Variants in GRIA4 observed in about 807,000 individuals in gnomAD.
GRIA4 encodes the protein glutamate ionotropic receptor AMPA type subunit 4, also known as glutamate receptor 4.
In GRIA4, 34 loss-of-function variants were observed where a neutral mutation model predicts 104.0. That is an observed-to-expected ratio of 0.33 (90% CI 0.25 to 0.44). The LOEUF (loss-of-function observed/expected upper bound fraction) is 0.44. Ranked by LOEUF, GRIA4 falls within the 20% of genes least tolerant of loss-of-function variation. The probability of loss-of-function intolerance (pLI) is 1.00; values close to 1 mark genes in which losing one functional copy is unlikely to be tolerated. For missense variants in GRIA4, 750 were observed against 1,096.5 expected (o/e 0.68, Z 4.46); for synonymous variants, 386 against 381.9 (o/e 1.01, Z -0.13).
intron 3 of GRIA4, among the ~76,000 whole-genome samples, chr11:105,701,963 C>A (rs975665724): frequency 2.0e-5 from 3 of 152,102 alleles, no homozygotes; most frequent in Non-Finnish European, 4.4e-5. Flanking sequence ...GAGGCAGGAT[C>A]TCACTCTATC....
chr11:105,766,971 A>C (rs1341736752), intron 4 of GRIA4, among the ~76,000 whole-genome samples: 2 of 152,134 alleles, frequency 1.3e-5, no homozygotes, highest in East Asian at 3.8e-4. Context: ...TCTTACCTAC[A>C]GCACATTTTA....
intron 7 of GRIA4, among the ~76,000 whole-genome samples, chr11:105,899,373 G>C (rs556561800): frequency 6.6e-6 from 1 of 152,156 alleles, no homozygotes; most frequent in Non-Finnish European, 1.5e-5. Flanking sequence ...ATAAATACAA[G>C]CAAATTATTA....
intron 3 of GRIA4, among the ~76,000 whole-genome samples, chr11:105,671,929 C>T (rs910822823): frequency 6.6e-6 from 1 of 151,958 alleles, no homozygotes; most frequent in Non-Finnish European, 1.5e-5. Context: ...TTTTTAACAA[C>T]CACAATCAGG....
chr11:105,611,170 T>A, intron 2 of GRIA4, 85 bp downstream of exon 2: 1 of 937,522 alleles, frequency 1.1e-6, no homozygotes, highest in Non-Finnish European at 1.8e-6. Context: ...GATAAGCAAT[T>A]CAGGGAAACC....
chr11:105,925,767 C>T (rs536325961), intron 12 of GRIA4, among the ~76,000 whole-genome samples: 1 of 152,004 alleles, frequency 6.6e-6, no homozygotes, highest in African/African-American at 2.4e-5. Flanking sequence ...ATAGGTGTCT[C>T]TTTTATAATA....
intron 13 of GRIA4, 66 bp downstream of exon 13, chr11:105,927,005 A>AGGAAAT: frequency 9.9e-7 from 1 of 1,009,206 alleles, no homozygotes; most frequent in Non-Finnish European, 1.5e-6. Context: ...TTTTTCCAAC[A>AGGAAAT]ATTATACCAT....
At chr11:105,780,127 T>C (rs752606963) in intron 4 of GRIA4, among the ~76,000 whole-genome samples, 1 of 152,180 alleles carries the variant, frequency 6.6e-6, no homozygotes, top group African/African-American at 2.4e-5. Context: ...TTTTAAGCCC[T>C]ATTTTCGTTA....
At chr11:105,695,520 G>A (rs544502361) in intron 3 of GRIA4, among the ~76,000 whole-genome samples, 158 of 151,506 alleles carry the variant, frequency 1.0e-3, no homozygotes, top group Admixed American at 2.5e-3. Context: ...GTGTGCGTGC[G>A]CGTTTGGTAG....
At chr11:105,735,624 C>T (rs1338956076) in intron 3 of GRIA4, among the ~76,000 whole-genome samples, 5 of 152,090 alleles carry the variant, frequency 3.3e-5, no homozygotes, top group Non-Finnish European at 7.4e-5. Context: ...TTTATCTCTA[C>T]TTTTTATCTA....
chr11:105,918,982 A>C (rs990885376), intron 11 of GRIA4, 64 bp downstream of exon 11: 26 of 964,322 alleles, frequency 2.7e-5, no homozygotes, highest in Non-Finnish European at 4.2e-5. Context: ...TCCCTTGGGC[A>C]CATAACAATT....
chr11:105,788,157 A>G (rs1942057411), intron 4 of GRIA4, among the ~76,000 whole-genome samples: 1 of 152,202 alleles, frequency 6.6e-6, no homozygotes, highest in South Asian at 2.1e-4. Context: ...AGGCTTTCAA[A>G]TGTTCTAAAT....
intron 5 of GRIA4, among the ~76,000 whole-genome samples, chr11:105,875,141 C>G (rs948355482): frequency 1.3e-5 from 2 of 152,074 alleles, no homozygotes; most frequent in African/African-American, 4.8e-5. Flanking sequence ...TGAATTTTAC[C>G]GAAGGGCTTT....
At position 105,979,793 on chromosome 11, in the gene GRIA4, C is replaced by A. The variant is rs1019247713; in HGVS notation, c.*54C>A. The A allele has an allele frequency of 2.1e-6, 3 of 1,414,672 alleles. No individual in the cohort carries two copies. The highest frequency in any genetic ancestry group is 1.4e-5 in the African/African-American group (1 of 70,538). The allele number at this position is 1,414,672 out of a possible 1,614,324, so 87.6% of individuals were successfully genotyped here. A position where few individuals can be genotyped will look rare whatever the true frequency, so the allele number is the denominator to read the frequency against. ...TTAAACTGTTGGTGACTGGTGGAAA[C>A]GCAGCCCTGAGGGACACGCCACGCG... On this transcript the variant is annotated 3_prime_UTR_variant, in exon 17 of 17. Coordinates refer to ENST00000282499, the MANE Select transcript of GRIA4 (RefSeq NM_000829.4).
intron 3 of GRIA4, among the ~76,000 whole-genome samples, chr11:105,700,498 T>A (rs1444984657): frequency 2.2e-4 from 34 of 152,172 alleles, no homozygotes. Context: ...TCAAATCCCA[T>A]GTGACAACTA....
intron 5 of GRIA4, among the ~76,000 whole-genome samples, chr11:105,866,545 G>GTA (rs775973048): frequency 4.2e-5 from 3 of 71,216 alleles, no homozygotes; most frequent in African/African-American, 6.2e-5. Flanking sequence ...ATGTGTGTGT[G>GTA]TGTGTGTATA....
At chr11:105,726,719 C>A (rs1938235529) in intron 3 of GRIA4, among the ~76,000 whole-genome samples, 1 of 152,114 alleles carries the variant, frequency 6.6e-6, no homozygotes, top group African/African-American at 2.4e-5. Context: ...CTGCAGCCTC[C>A]ACTGGTGATA....
chr11:105,765,510 G>C (rs1555119338), intron 4 of GRIA4, among the ~76,000 whole-genome samples: 1 of 152,182 alleles, frequency 6.6e-6, no homozygotes, highest in Non-Finnish European at 1.5e-5. Context: ...ATGTGGAACG[G>C]ATGATGCTGA....
chr11:105,667,698 G>C (rs1052659463), intron 3 of GRIA4, among the ~76,000 whole-genome samples: 1 of 151,714 alleles, frequency 6.6e-6, no homozygotes, highest in South Asian at 2.1e-4. Context: ...AGGTATAGTT[G>C]ATAAATAAAA....
intron 3 of GRIA4, among the ~76,000 whole-genome samples, chr11:105,694,565 C>A (rs911073434): frequency 2.6e-5 from 4 of 151,928 alleles, no homozygotes; most frequent in Admixed American, 6.5e-5. Flanking sequence ...TTAATACATT[C>A]TTTAAAATCT....
Sources: gnomAD v4.1 joint callset for allele counts (sites outside exome capture counted in the v4.1 genomes callset) on GRCh38, gnomAD v4.1.1 for gene constraint, MANE v1.5 for transcripts, NCBI Gene and HGNC (gene_info 2026-07-23, HGNC 2026-07-21) for gene names.